Variants in CHODL observed in about 807,000 individuals in gnomAD.
CHODL encodes chondrolectin.
CHODL carries 29 observed loss-of-function variants against 34.5 expected under a neutral mutation model. The observed-to-expected ratio is 0.84, with a 90% confidence interval of 0.63 to 1.15. CHODL has a LOEUF of 1.15. Among genes scored for constraint, CHODL ranks in the 50% most tolerant of loss-of-function variants. CHODL has a pLI of 0.00. For synonymous variants in CHODL, 125 were observed against 116.1 expected (o/e 1.08, Z -0.49); for missense variants, 332 against 332.5 (o/e 1.00, Z 0.01).
chr21:18,263,142 A>G (rs2074402835), intron 5 of CHODL, among the ~76,000 whole-genome samples: 1 of 152,152 alleles, frequency 6.6e-6, no homozygotes, highest in Non-Finnish European at 1.5e-5. Flanking sequence ...TAGATGGGTT[A>G]CCTAGTCTGC....
intron 2 of CHODL, among the ~76,000 whole-genome samples, chr21:18,084,516 C>G (rs1015161528): frequency 6.6e-6 from 1 of 152,110 alleles, no homozygotes; most frequent in African/African-American, 2.4e-5. Context: ...CTAATTTCTT[C>G]ATTGACCCAG....
At chr21:18,024,362 T>C (rs1012482656) in intron 1 of CHODL, among the ~76,000 whole-genome samples, 4 of 152,176 alleles carry the variant, frequency 2.6e-5, no homozygotes, top group Non-Finnish European at 5.9e-5. Flanking sequence ...GGAGAAAAGG[T>C]AGGGCAGGGC....
At chr21:17,986,962 G>A (rs1055520425) in intron 1 of CHODL, among the ~76,000 whole-genome samples, 5 of 152,116 alleles carry the variant, frequency 3.3e-5, no homozygotes, top group Admixed American at 2.0e-4. Flanking sequence ...CATGGGTGGC[G>A]AGAGGACATC....
At chr21:18,094,895 A>C (rs933651228) in intron 2 of CHODL, among the ~76,000 whole-genome samples, 2 of 152,096 alleles carry the variant, frequency 1.3e-5, no homozygotes, top group South Asian at 2.1e-4. Flanking sequence ...AGGCTGAAGC[A>C]GGCAGATCTC....
chr21:18,010,021 G>A (rs116305541), intron 1 of CHODL, among the ~76,000 whole-genome samples: 3,654 of 146,934 alleles, frequency 0.025, 161 homozygotes, highest in African/African-American at 0.086. Flanking sequence ...ATTTTCATAT[G>A]GCCAACTTCT....
At chr21:18,174,819 T>C (rs1221975543) in intron 2 of CHODL, among the ~76,000 whole-genome samples, 2 of 152,192 alleles carry the variant, frequency 1.3e-5, no homozygotes, top group Non-Finnish European at 2.9e-5. Flanking sequence ...GTTTTGCAGA[T>C]CAAACCAAAT....
intron 1 of CHODL, among the ~76,000 whole-genome samples, chr21:17,932,125 A>G (rs541308882): frequency 1.3e-5 from 2 of 152,266 alleles, no homozygotes; most frequent in East Asian, 3.9e-4. Flanking sequence ...ATGACAAACA[A>G]CCATATTAAA....
At chr21:18,027,501 C>T (rs2064188884) in intron 1 of CHODL, among the ~76,000 whole-genome samples, 1 of 152,068 alleles carries the variant, frequency 6.6e-6, no homozygotes. Context: ...TAAACTTTGG[C>T]ATGATTCATG....
chr21:18,148,083 A>G (rs1197548659), intron 2 of CHODL, among the ~76,000 whole-genome samples: 4 of 152,218 alleles, frequency 2.6e-5, no homozygotes, highest in Non-Finnish European at 5.9e-5. Flanking sequence ...ATGTGACTAT[A>G]TCACATCTAT....
intron 2 of CHODL, among the ~76,000 whole-genome samples, chr21:18,136,355 A>C (rs2072728135): frequency 6.6e-6 from 1 of 152,034 alleles, no homozygotes; most frequent in Non-Finnish European, 1.5e-5. Flanking sequence ...GTTTTTCTCA[A>C]AATCATTGAG....
intron 2 of CHODL, among the ~76,000 whole-genome samples, chr21:18,147,050 G>A (rs1049627678): frequency 2.6e-5 from 4 of 152,154 alleles, no homozygotes; most frequent in African/African-American, 9.7e-5. Context: ...AGAGAAAGGA[G>A]CTTCATGTTC....
intron 2 of CHODL, among the ~76,000 whole-genome samples, chr21:18,188,287 CA>C (rs1451318620): frequency 6.6e-5 from 10 of 152,076 alleles, no homozygotes; most frequent in Non-Finnish European, 1.5e-5. Flanking sequence ...TTATTTAATT[CA>C]TTTTTATACT....
intron 1 of CHODL, among the ~76,000 whole-genome samples, chr21:17,917,876 C>CGTGTGT (rs138828872): frequency 0.23 from 34,007 of 150,568 alleles, 4,587 homozygotes; most frequent in East Asian, 0.39. Flanking sequence ...CTCTGATATG[C>CGTGTGT]GTGTGTGTGT....
In CHODL at chr21:18,037,101, A is replaced by G. The variant is rs546781068; in HGVS notation, c.-45+9130A>G. ...ATTTCCATATATAACATATTTTCAC[A>G]ATATCAGACAATGGGGATGAGTAAG... On this transcript the variant is annotated intron_variant, in intron 2 of 6. Coordinates refer to the CHODL transcript ENST00000400127. 3.9e-5 allele frequency among the ~76,000 whole-genome samples: 6 copies of G among 152,068 alleles called. No individual in the cohort carries two copies. The South Asian group carries it at 1.2e-3, about 32-fold the overall frequency.
chr21:18,146,911 C>T lies in CHODL; in HGVS notation c.-44-109598C>T, dbSNP rs192594977. On this transcript the variant is annotated intron_variant, in intron 2 of 6. Transcript: ENST00000400127. ...GTTATTTTGATCAAACCTGAAATGT[C>T]TACCTTCTTCTCTCATTGCTACTGT... Among the ~76,000 whole-genome samples, 312 of 152,286 alleles carry T rather than the reference C, an allele frequency of 2.0e-3. 1 individual carries two copies. The highest frequency in any genetic ancestry group is 3.3e-3 in the Non-Finnish European group (225 of 68,020).
At chr21:18,084,174 A>G (rs1415846478) in intron 2 of CHODL, among the ~76,000 whole-genome samples, 1 of 152,100 alleles carries the variant, frequency 6.6e-6, no homozygotes, top group Non-Finnish European at 1.5e-5. Context: ...CCTTTCTCTA[A>G]CTTTCTCTTG....
chr21:17,922,875 G>T (rs1161739293), intron 1 of CHODL, among the ~76,000 whole-genome samples: 2 of 152,044 alleles, frequency 1.3e-5, no homozygotes, highest in South Asian at 4.2e-4. Flanking sequence ...TGCCCAAGGT[G>T]GTCAGAGCAC....
chr21:17,969,881 G>A (rs1011188552), intron 1 of CHODL, among the ~76,000 whole-genome samples: 30 of 152,132 alleles, frequency 2.0e-4, no homozygotes, highest in Admixed American at 2.0e-3. Context: ...TTGGGCCTCA[G>A]ATAATAATCT....
In CHODL at chr21:18,245,001, A is replaced by G. The variant is rs2146778382; in HGVS notation, c.-223A>G. On this transcript the variant is annotated 5_prime_UTR_variant, in exon 1 of 6. Coordinates refer to ENST00000299295, the MANE Select transcript of CHODL (RefSeq NM_024944.3). The stretch of plus-strand genomic sequence containing the variant: ...CAGTCCCCCAAACGCGCACCCTCGA[A>G]GTCTTGAACTCCAGCCCCGCACATC... The G allele has an allele frequency of 2.2e-6, 1 of 462,008 alleles. No individual in the cohort carries two copies. The highest frequency in any genetic ancestry group is 3.8e-6 in the Non-Finnish European group (1 of 264,256). 28.6% of individuals were successfully genotyped at this position (462,008 alleles called of 1,614,324 possible).
Sources: allele counts gnomAD v4.1 joint callset (sites outside exome capture counted in the v4.1 genomes callset), GRCh38; gene constraint gnomAD v4.1.1; transcripts MANE v1.5; gene names NCBI Gene and HGNC (gene_info 2026-07-23, HGNC 2026-07-21).